FANCC: variants seen among roughly 807,000 people sequenced by gnomAD.
FANCC encodes FA complementation group C.
Under a neutral mutation model 71.3 loss-of-function variants are expected in FANCC, and 55 were observed. The observed-to-expected ratio is 0.77, with a 90% confidence interval of 0.62 to 0.97. FANCC has a LOEUF of 0.97. Among genes scored for constraint, FANCC ranks in the 50% least tolerant of loss-of-function variants. The pLI is 0.00. For synonymous variants in FANCC, 275 were observed against 244.9 expected (o/e 1.12, Z -1.15); for missense variants, 678 against 670.9 (o/e 1.01, Z -0.12).
chr9:95,155,343 A>AAGGGAGGGAGGG (rs1232805962), intron 6 of FANCC, among the ~76,000 whole-genome samples: 1 of 26,394 alleles, frequency 3.8e-5, no homozygotes, highest in African/African-American at 1.9e-4. Flanking sequence ...GGAAGGGAGG[A>AAGGGAGGGAGGG]AGGGAGGGAG....
intron 1 of FANCC, among the ~76,000 whole-genome samples, chr9:95,310,643 CAAT>C (rs1278111961): frequency 6.6e-6 from 1 of 152,024 alleles, no homozygotes; most frequent in Non-Finnish European, 1.5e-5. Flanking sequence ...TGTGACGAAT[CAAT>C]AAAACACACT....
intron 14 of FANCC, 54 bp downstream of exon 14, chr9:95,107,012 C>T (rs1307910595): frequency 5.7e-6 from 9 of 1,584,278 alleles, no homozygotes; most frequent in Admixed American, 3.4e-5. Context: ...GGTAACCCAC[C>T]TCTCGCCTGG....
chr9:95,217,549 A>G (rs550445370), intron 4 of FANCC, among the ~76,000 whole-genome samples: 1 of 152,216 alleles, frequency 6.6e-6, no homozygotes, highest in South Asian at 2.1e-4. Context: ...CACAAGGAAA[A>G]TTAGTAAATT....
intron 4 of FANCC, among the ~76,000 whole-genome samples, chr9:95,209,270 T>G (rs1473968767): frequency 9.9e-5 from 15 of 152,228 alleles, no homozygotes; most frequent in East Asian, 1.9e-4. Flanking sequence ...TCTAGGGCAG[T>G]GAAACTACGC....
chr9:95,265,845 G>C (rs1832353223), intron 1 of FANCC, among the ~76,000 whole-genome samples: 1 of 152,166 alleles, frequency 6.6e-6, no homozygotes, highest in Non-Finnish European at 1.5e-5. Flanking sequence ...AGATGACAGT[G>C]TTCCCCACTC....
rs186557421 is a variant in FANCC, at chr9:95,281,637, G to T, written c.-78-32268C>A. ...AAAAGCAAGTACACAGTCAAATTCT[G>T]AAGTCTCTAATACTGTAATGGTGGT... On this transcript the variant is annotated intron_variant, in intron 1 of 14. Coordinates refer to ENST00000289081, the MANE Select transcript of FANCC (RefSeq NM_000136.3). Among the ~76,000 whole-genome samples the T allele has an allele frequency of 2.6e-5, 4 of 152,144 alleles. No individual in the cohort carries two copies. In the East Asian group the frequency reaches 7.7e-4, roughly 29 times the overall value.
intron 2 of FANCC, among the ~76,000 whole-genome samples, chr9:95,248,541 GCTTTT>G (rs1183516799): frequency 6.6e-6 from 1 of 152,010 alleles, no homozygotes; most frequent in Non-Finnish European, 1.5e-5. Context: ...TGACAATTTT[GCTTTT>G]CATTTTGAAA....
chr9:95,112,434 G>A (rs559178837), intron 12 of FANCC, among the ~76,000 whole-genome samples: 4 of 152,240 alleles, frequency 2.6e-5, no homozygotes, highest in East Asian at 1.9e-4. Flanking sequence ...CACTGTCCTC[G>A]CCTCCCTGGA....
intron 4 of FANCC, among the ~76,000 whole-genome samples, chr9:95,184,084 T>G (rs930440204): frequency 1.3e-5 from 2 of 152,160 alleles, no homozygotes; most frequent in Non-Finnish European, 2.9e-5. Context: ...TATAAAATAC[T>G]TGTGCCCGAA....
chr9:95,168,461 C>A (rs2135559069), intron 6 of FANCC, among the ~76,000 whole-genome samples: 1 of 152,330 alleles, frequency 6.6e-6, no homozygotes, highest in South Asian at 2.1e-4. Context: ...GTAGTTTGAG[C>A]TAGCCATGGT....
chr9:95,124,705 T>A (rs1285536227), intron 10 of FANCC, among the ~76,000 whole-genome samples: 1 of 152,132 alleles, frequency 6.6e-6, no homozygotes, highest in Middle Eastern at 3.2e-3. Context: ...TTCCTATTCA[T>A]CACATGCCAT....
chr9:95,138,590 A>C (rs1210851543), intron 7 of FANCC, among the ~76,000 whole-genome samples: 2 of 152,192 alleles, frequency 1.3e-5, no homozygotes, highest in African/African-American at 2.4e-5. Context: ...ATCTTTTTTC[A>C]GGATCCATGT....
chr9:95,158,532 T>G (rs1486552192), intron 6 of FANCC, among the ~76,000 whole-genome samples: 1 of 151,094 alleles, frequency 6.6e-6, no homozygotes, highest in Non-Finnish European at 1.5e-5. Flanking sequence ...GGCAAAAAAT[T>G]ATCTTTATGA....
chr9:95,243,632 A>AAAC (rs987824931), intron 3 of FANCC, among the ~76,000 whole-genome samples: 1 of 152,100 alleles, frequency 6.6e-6, no homozygotes, highest in African/African-American at 2.4e-5. Context: ...AAAATACAAA[A>AAAC]AAAAAAAACA....
intron 4 of FANCC, among the ~76,000 whole-genome samples, chr9:95,224,231 A>G (rs1829466112): frequency 6.6e-6 from 1 of 152,210 alleles, no homozygotes; most frequent in Non-Finnish European, 1.5e-5. Context: ...TCTCAGAATC[A>G]TAGAATCACA....
chr9:95,109,474 A>G (rs2134501265), intron 13 of FANCC: 1 of 151,556 alleles, frequency 6.6e-6, no homozygotes, highest in Admixed American at 6.6e-5. Flanking sequence ...TTCTCTAGGC[A>G]TCATTGTACC....
chr9:95,172,450 AAT>A (rs1425841843), intron 4 of FANCC, among the ~76,000 whole-genome samples: 1 of 152,232 alleles, frequency 6.6e-6, no homozygotes, highest in Non-Finnish European at 1.5e-5. Context: ...AACTCAGTAA[AAT>A]ATGTTTAACA....
At chr9:95,286,962 G>A (rs959114128) in intron 1 of FANCC, among the ~76,000 whole-genome samples, 1 of 152,040 alleles carries the variant, frequency 6.6e-6, no homozygotes, top group Admixed American at 6.6e-5. Flanking sequence ...ATTAGAGGAA[G>A]CAAATAGCTT....
intron 6 of FANCC, among the ~76,000 whole-genome samples, chr9:95,155,262 GA>G (rs1830395275): frequency 1.2e-5 from 1 of 82,748 alleles, no homozygotes; most frequent in Non-Finnish European, 2.4e-5. Flanking sequence ...GAGGGGAGGG[GA>G]GGGGAGGAAA....
Sources: gnomAD v4.1 joint callset for allele counts (sites outside exome capture counted in the v4.1 genomes callset) on GRCh38, gnomAD v4.1.1 for gene constraint, MANE v1.5 for transcripts, NCBI Gene and HGNC (gene_info 2026-07-23, HGNC 2026-07-21) for gene names.